Variants in COL21A1 observed in about 807,000 individuals in gnomAD.
COL21A1 encodes the protein collagen type XXI alpha 1 chain.
COL21A1 carries 149 observed loss-of-function variants against 137.9 expected under a neutral mutation model. The observed-to-expected ratio is 1.08, with a 90% confidence interval of 0.95 to 1.24. The LOEUF (loss-of-function observed/expected upper bound fraction) is 1.24. Ranked by LOEUF, COL21A1 falls within the 50% of genes most tolerant of loss-of-function variation. COL21A1 has a pLI of 0.00. For missense variants in COL21A1, 1,167 were observed against 1,158.4 expected, an observed-to-expected ratio of 1.01 and a Z score of -0.11; for synonymous variants, 456 against 391.5, an observed-to-expected ratio of 1.16 and a Z score of -1.95.
At chr6:56,112,952 G>A (rs1771582924) in intron 16 of COL21A1, among the ~76,000 whole-genome samples, 1 of 152,090 alleles carries the variant, frequency 6.6e-6, no homozygotes, top group Non-Finnish European at 1.5e-5. Flanking sequence ...CCAAAGTGCT[G>A]GGATTACAGG....
At chr6:56,333,250 C>T (rs938819952) in intron 1 of COL21A1, among the ~76,000 whole-genome samples, 8 of 152,120 alleles carry the variant, frequency 5.3e-5, no homozygotes, top group African/African-American at 1.9e-4. Flanking sequence ...GCAAAAGTTT[C>T]CTGTGTTCCT....
intron 1 of COL21A1, among the ~76,000 whole-genome samples, chr6:56,370,480 G>C (rs1431520984): frequency 6.6e-6 from 1 of 152,178 alleles, no homozygotes; most frequent in Non-Finnish European, 1.5e-5. Flanking sequence ...CCCTCTGTGA[G>C]GGCACTGCAC....
chr6:56,059,400 A>C (rs759446887), intron 28 of COL21A1, among the ~76,000 whole-genome samples, 158 bp from the exon 29 acceptor site: 1 of 112,578 alleles, frequency 8.9e-6, no homozygotes, highest in Non-Finnish European at 1.9e-5. Flanking sequence ...TTTTGAAGCA[A>C]TAATTTCTAA....
In COL21A1 at chr6:56,127,169, A is replaced by T. The variant is rs185738345; in HGVS notation, c.1543-1020T>A. On this transcript the variant is annotated intron_variant, in intron 12 of 29. Coordinates refer to ENST00000244728, the MANE Select transcript of COL21A1 (RefSeq NM_030820.4). ...CATCCAACACCTCCTCCCCATCTCC[A>T]CTTCTAACAGACAAAAATCCCCTTA... Among the ~76,000 whole-genome samples the T allele has an allele frequency of 5.9e-5, 9 of 152,192 alleles. No individual in the cohort carries two copies. In the East Asian group the frequency reaches 1.7e-3, roughly 29 times the overall value.
At chr6:56,210,251 A>G (rs944900746) in intron 1 of COL21A1, among the ~76,000 whole-genome samples, 1 of 152,170 alleles carries the variant, frequency 6.6e-6, no homozygotes, top group Non-Finnish European at 1.5e-5. Context: ...AACTTAAAGT[A>G]TAATAATAAA....
chr6:56,211,706 AT>A (rs999694339), intron 1 of COL21A1, among the ~76,000 whole-genome samples: 6 of 151,918 alleles, frequency 3.9e-5, no homozygotes, highest in African/African-American at 1.4e-4. Flanking sequence ...GATTGTCACC[AT>A]TTTTTTTAAA....
At chr6:56,226,781 G>A (rs1473673342) in intron 1 of COL21A1, among the ~76,000 whole-genome samples, 1 of 152,006 alleles carries the variant, frequency 6.6e-6, no homozygotes, top group Admixed American at 6.6e-5. Flanking sequence ...ACAGTGCAAG[G>A]TGATAAAACT....
At chr6:56,270,689 C>G (rs1180272008) in intron 1 of COL21A1, among the ~76,000 whole-genome samples, 1 of 152,202 alleles carries the variant, frequency 6.6e-6, no homozygotes, top group African/African-American at 2.4e-5. Context: ...TGAAAGACAT[C>G]TGGTAGGAGG....
At chr6:56,272,224 G>A (rs1755443057) in intron 1 of COL21A1, among the ~76,000 whole-genome samples, 1 of 152,224 alleles carries the variant, frequency 6.6e-6, no homozygotes, top group Non-Finnish European at 1.5e-5. Flanking sequence ...CCATGGTCTT[G>A]GGAGCTCATC....
intron 24 of COL21A1, among the ~76,000 whole-genome samples, chr6:56,062,037 T>C (rs114049454): frequency 8.5e-4 from 130 of 152,266 alleles, no homozygotes; most frequent in African/African-American, 2.8e-3. Context: ...ATTAGGTATA[T>C]TTTTTCTTGT....
At chr6:56,088,737 G>C (rs1480388512) in intron 17 of COL21A1, among the ~76,000 whole-genome samples, 1 of 151,980 alleles carries the variant, frequency 6.6e-6, no homozygotes, top group Admixed American at 6.6e-5. Flanking sequence ...ATGTTATTCA[G>C]AGTTTACAGT....
At chr6:56,292,790 C>A (rs1233482032) in intron 1 of COL21A1, among the ~76,000 whole-genome samples, 1 of 152,172 alleles carries the variant, frequency 6.6e-6, no homozygotes, top group Non-Finnish European at 1.5e-5. Flanking sequence ...TTCTGCCACC[C>A]AGTGGAGGAT....
At chr6:56,343,648 AATT>A (rs1376807942) in intron 1 of COL21A1, among the ~76,000 whole-genome samples, 3 of 152,168 alleles carry the variant, frequency 2.0e-5, no homozygotes, top group Admixed American at 6.5e-5. Context: ...TCACAATAAT[AATT>A]GATTGTAGGC....
intron 1 of COL21A1, among the ~76,000 whole-genome samples, chr6:56,370,992 T>C (rs1295513139): frequency 6.6e-6 from 1 of 152,220 alleles, no homozygotes; most frequent in East Asian, 1.9e-4. Flanking sequence ...GGAAATGCCT[T>C]GAAGAATTGA....
At chr6:56,365,770 G>A (rs1024872711) in intron 1 of COL21A1, among the ~76,000 whole-genome samples, 1 of 152,068 alleles carries the variant, frequency 6.6e-6, no homozygotes, top group Non-Finnish European at 1.5e-5. Flanking sequence ...GTATGACATC[G>A]AGCAGTTTCA....
rs543833114 is a variant in COL21A1, at chr6:56,372,653, G to A, written c.-39+21318C>T. Among the ~76,000 whole-genome samples the A allele has an allele frequency of 3.3e-5, 5 of 152,266 alleles. No homozygotes were observed. The South Asian group carries it at 8.3e-4, about 25-fold the overall frequency. On this transcript the variant is annotated intron_variant, in intron 1 of 28. Transcript: ENST00000370819. ...TTATCAGCTTATGTAAGGCTGGAGT[G>A]GGGGGAAAAAAGCTTCAGGAACATC...
chr6:56,235,647 A>C (rs978968654), intron 1 of COL21A1, among the ~76,000 whole-genome samples: 3 of 152,082 alleles, frequency 2.0e-5, no homozygotes, highest in Middle Eastern at 3.4e-3. Context: ...CTAATGAAGA[A>C]TAACACCTGA....
At chr6:56,289,220 G>T (rs1384285734) in intron 1 of COL21A1, among the ~76,000 whole-genome samples, 1 of 152,162 alleles carries the variant, frequency 6.6e-6, no homozygotes, top group African/African-American at 2.4e-5. Flanking sequence ...TATGCATTAA[G>T]CACCATGCTA....
intron 1 of COL21A1, among the ~76,000 whole-genome samples, chr6:56,234,089 A>C (rs1781754879): frequency 6.6e-6 from 1 of 151,870 alleles, no homozygotes; most frequent in Non-Finnish European, 1.5e-5. Context: ...ACAAGAAAGC[A>C]TGGTAAAAAC....
Sources: gnomAD v4.1 joint callset for allele counts (sites outside exome capture counted in the v4.1 genomes callset) on GRCh38, gnomAD v4.1.1 for gene constraint, MANE v1.5 for transcripts, NCBI Gene and HGNC (gene_info 2026-07-23, HGNC 2026-07-21) for gene names.